ROBO1: variants seen among roughly 807,000 people sequenced by gnomAD.
ROBO1 encodes roundabout homolog 1.
Under a neutral mutation model 195.9 loss-of-function variants are expected in ROBO1, and 149 were observed. That is an observed-to-expected ratio of 0.76 (90% CI 0.67 to 0.87). The LOEUF is 0.87. Ranked by LOEUF, ROBO1 falls within the 40% of genes least tolerant of loss-of-function variation. ROBO1 has a pLI of 0.00. For synonymous variants in ROBO1, 816 were observed against 733.2 expected (o/e 1.11, Z -1.82); for missense variants, 1,933 against 2,068.3 (o/e 0.93, Z 1.27).
intron 2 of ROBO1, among the ~76,000 whole-genome samples, chr3:79,164,978 C>T (rs1253211766): frequency 6.6e-6 from 1 of 152,132 alleles, no homozygotes; most frequent in Admixed American, 6.5e-5. Flanking sequence ...ACACCCCTAA[C>T]CTTATCATTT....
chr3:79,306,053 G>A (rs1282427231), intron 2 of ROBO1, among the ~76,000 whole-genome samples: 5 of 152,076 alleles, frequency 3.3e-5, no homozygotes, highest in Non-Finnish European at 5.9e-5. Context: ...ATATAAATCC[G>A]AGATAGTTTT....
At chr3:79,062,728 A>G (rs1192149553) in intron 3 of ROBO1, among the ~76,000 whole-genome samples, 3 of 152,072 alleles carry the variant, frequency 2.0e-5, no homozygotes, top group Non-Finnish European at 4.4e-5. Flanking sequence ...AAACTATCAC[A>G]AGGACAGAAA....
intron 1 of ROBO1, among the ~76,000 whole-genome samples, chr3:79,762,609 AAC>A (rs60977072): frequency 6.8e-5 from 10 of 146,680 alleles, no homozygotes; most frequent in East Asian, 2.0e-4. Flanking sequence ...ATTCTGGACA[AAC>A]ACACACACAC....
intron 18 of ROBO1, among the ~76,000 whole-genome samples, chr3:78,655,401 A>T (rs1386352499): frequency 6.6e-6 from 1 of 152,102 alleles, no homozygotes; most frequent in Admixed American, 6.6e-5. Context: ...TGTACCACTG[A>T]ACATTCCCAT....
At chr3:79,096,010 T>G (rs568915475) in intron 3 of ROBO1, among the ~76,000 whole-genome samples, 1 of 152,150 alleles carries the variant, frequency 6.6e-6, no homozygotes, top group East Asian at 1.9e-4. Context: ...TTTTATTATT[T>G]CCAAAAATAT....
chr3:78,679,247 T>C (rs1256679396), intron 10 of ROBO1, among the ~76,000 whole-genome samples: 2 of 151,486 alleles, frequency 1.3e-5, no homozygotes, highest in African/African-American at 4.8e-5. Context: ...CTGGAAGCAT[T>C]CCCTTTGAAA....
intron 4 of ROBO1, among the ~76,000 whole-genome samples, chr3:78,835,726 A>G (rs1179657805): frequency 3.9e-5 from 6 of 152,166 alleles, no homozygotes; most frequent in Admixed American, 3.9e-4. Context: ...TCTAACTGCT[A>G]TATTCATCTT....
chr3:79,465,955 T>G (rs1937933683), intron 2 of ROBO1, among the ~76,000 whole-genome samples: 1 of 152,060 alleles, frequency 6.6e-6, no homozygotes, highest in Admixed American at 6.6e-5. Context: ...TTTCTTATGG[T>G]CATTTTAAAA....
chr3:79,261,377 T>C (rs1036930346), intron 2 of ROBO1, among the ~76,000 whole-genome samples: 1 of 152,068 alleles, frequency 6.6e-6, no homozygotes, highest in Non-Finnish European at 1.5e-5. Flanking sequence ...GTTGTATATA[T>C]TCAGTGTAAT....
chr3:78,866,495 G>A (rs1249101939), intron 4 of ROBO1, among the ~76,000 whole-genome samples: 3 of 151,900 alleles, frequency 2.0e-5, no homozygotes, highest in East Asian at 1.9e-4. Flanking sequence ...CTTTCCATTC[G>A]CACCCTCCCA....
chr3:79,070,802 C>G (rs2079074789), intron 3 of ROBO1, among the ~76,000 whole-genome samples: 1 of 151,754 alleles, frequency 6.6e-6, no homozygotes, highest in South Asian at 2.1e-4. Context: ...CACTTTCAGC[C>G]AACATACTCA....
At chr3:78,798,402 T>C (rs2084250819) in intron 4 of ROBO1, among the ~76,000 whole-genome samples, 2 of 152,194 alleles carry the variant, frequency 1.3e-5, no homozygotes, top group Admixed American at 1.3e-4. Context: ...AATTTGATGC[T>C]ATCAGAATTT....
intron 2 of ROBO1, among the ~76,000 whole-genome samples, chr3:79,237,558 T>C (rs188262871): frequency 6.6e-6 from 1 of 152,136 alleles, no homozygotes; most frequent in Admixed American, 6.5e-5. Context: ...AAAATCAAAA[T>C]ACTCATGGGT....
At chr3:79,530,883 T>C (rs554648776) in intron 2 of ROBO1, among the ~76,000 whole-genome samples, 10 of 152,016 alleles carry the variant, frequency 6.6e-5, no homozygotes, top group Non-Finnish European at 1.2e-4. Context: ...CCCTGCATGA[T>C]CTGTCCCCAG....
chr3:79,639,706 C>T lies in ROBO1; in HGVS notation c.-50-49745G>A, dbSNP rs530634708. Among the ~76,000 whole-genome samples, 157 of 152,160 alleles carry T rather than the reference C, an allele frequency of 1.0e-3. 1 individual carries two copies. Among genetic ancestry groups the T allele is most frequent in the Admixed American group, 2.5e-3 (38 of 15,276 alleles). On this transcript the variant is annotated intron_variant, in intron 1 of 30. Transcript: ENST00000464233. The stretch of plus-strand genomic sequence containing the variant: ...ATTTGATGTTGTCTTCCCTGTAGAC[C>T]CAACTATCATTCTATGATATTTATC...
intron 1 of ROBO1, among the ~76,000 whole-genome samples, chr3:79,711,924 CG>C (rs1702290911): frequency 2.4e-4 from 1 of 4,120 alleles, no homozygotes; most frequent in African/African-American, 1.1e-3. Flanking sequence ...GGGGGATGGG[CG>C]GGTGGGTGGG....
intron 4 of ROBO1, among the ~76,000 whole-genome samples, chr3:78,921,818 C>G (rs2038951897): frequency 6.7e-6 from 1 of 148,988 alleles, no homozygotes; most frequent in South Asian, 2.1e-4. Flanking sequence ...GAAACAGAAT[C>G]TTGCTCTGTC....
At chr3:79,470,977 T>C (rs1938240678) in intron 2 of ROBO1, among the ~76,000 whole-genome samples, 1 of 152,192 alleles carries the variant, frequency 6.6e-6, no homozygotes, top group Admixed American at 6.5e-5. Flanking sequence ...ATGATATTAA[T>C]TTATTGTGTA....
chr3:78,750,891 G>C, intron 4 of ROBO1, among the ~76,000 whole-genome samples: 1 of 152,104 alleles, frequency 6.6e-6, no homozygotes, highest in East Asian at 1.9e-4. Context: ...TATGAGAAGG[G>C]GACCAGAAGA....
Sources: gnomAD v4.1 joint callset for allele counts (sites outside exome capture counted in the v4.1 genomes callset) on GRCh38, gnomAD v4.1.1 for gene constraint, MANE v1.5 for transcripts, NCBI Gene and HGNC (gene_info 2026-07-23, HGNC 2026-07-21) for gene names.